ADCY10: variants seen among roughly 807,000 people sequenced by gnomAD.
The protein encoded by ADCY10 is adenylate cyclase 10.
Under a neutral mutation model 183.3 loss-of-function variants are expected in ADCY10, and 156 were observed. That is an observed-to-expected ratio of 0.85 (90% CI 0.75 to 0.97). The LOEUF (loss-of-function observed/expected upper bound fraction) is 0.97. ADCY10 is among the 50% of genes least tolerant of loss of function. The pLI, the probability that ADCY10 is intolerant of heterozygous loss-of-function variation, is 0.00. For synonymous variants in ADCY10, 645 were observed against 670.0 expected (o/e 0.96, Z 0.58); for missense variants, 1,745 against 1,934.3 (o/e 0.90, Z 1.84).
At chr1:167,825,671 G>A (rs1022908504) in intron 26 of ADCY10, among the ~76,000 whole-genome samples, 1 of 152,146 alleles carries the variant, frequency 6.6e-6, no homozygotes, top group East Asian at 1.9e-4. Flanking sequence ...TGTAATCCTA[G>A]CTACTCAGGA....
chr1:167,851,174 C>G (rs1665451307), intron 18 of ADCY10, among the ~76,000 whole-genome samples: 1 of 151,954 alleles, frequency 6.6e-6, no homozygotes, highest in Non-Finnish European at 1.5e-5. Context: ...TATTGACACT[C>G]TTTTGTTTGT....
At position 167,870,383 on chromosome 1, in the gene ADCY10, A is replaced by G. The variant is rs551472032; in HGVS notation, c.1490T>C (p.Met497Thr). Residue 497 changes from methionine (M) to threonine (T), a missense_variant, in exon 14 of 33, where the codon ATG becomes ACG. Physicochemically the swap from Met to Thr is moderately conservative, Grantham distance 81. Transcript: ENST00000367851. ...LGRNKEINYFMYTMKKFLISN... is the reference protein window; with the variant it reads ...LGRNKEINYFTYTMKKFLISN... ...TATCAAAAATTTCTTCATAGTATAC[A>G]TGAAGTAGTTGATCTCTTTATTACG... 4 of 1,611,846 alleles carry G rather than the reference A, an allele frequency of 2.5e-6. No individual in the cohort carries two copies. The South Asian group carries it at 4.4e-5, about 18-fold the overall frequency.
chr1:167,817,439 C>G (rs1662600321), intron 31 of ADCY10, among the ~76,000 whole-genome samples: 2 of 152,172 alleles, frequency 1.3e-5, no homozygotes, highest in African/African-American at 4.8e-5. Context: ...TACACCTGTG[C>G]TCAGTGTTTA....
chr1:167,815,822 C>T (rs12021710), intron 31 of ADCY10, among the ~76,000 whole-genome samples: 15,762 of 151,760 alleles, frequency 0.1, 1,145 homozygotes, highest in East Asian at 0.35. Context: ...GATGGAAATC[C>T]TAAGAACAAA....
At chr1:167,874,772 T>C (rs1311866195) in intron 13 of ADCY10, among the ~76,000 whole-genome samples, 1 of 152,202 alleles carries the variant, frequency 6.6e-6, no homozygotes, top group Admixed American at 6.5e-5. Context: ...AATGGAATAC[T>C]ACATAGTAAT....
At chr1:167,910,521 G>C (rs555514699) in intron 1 of ADCY10, among the ~76,000 whole-genome samples, 19 of 152,204 alleles carry the variant, frequency 1.2e-4, no homozygotes, top group Non-Finnish European at 2.2e-4. Flanking sequence ...TGTAATGTGG[G>C]ACCCTGCAAT....
intron 23 of ADCY10, 128 bp from the exon 24 acceptor site, chr1:167,834,205 T>A (rs1664017241): frequency 1.1e-5 from 8 of 728,620 alleles, no homozygotes; most frequent in Non-Finnish European, 1.5e-5. Flanking sequence ...TCCACTTCCA[T>A]CCCCAGCTCC....
Position 167,809,631 on chromosome 1 carries a change from T to C in ADCY10, c.*47A>G. On this transcript the variant is annotated 3_prime_UTR_variant, in exon 33 of 33. Transcript: ENST00000367851. The stretch of plus-strand genomic sequence containing the variant: ...GCCACGGAGAAAGGTCAATAATAGA[T>C]AATCACAAGGACATAGTGCTTATTA... 1 of 1,603,562 alleles carries C rather than the reference T, an allele frequency of 6.2e-7. No individual in the cohort carries two copies. Among genetic ancestry groups the C allele is most frequent in the African/African-American group, 1.3e-5 (1 of 74,820 alleles).
chr1:167,821,605 G>C (rs1293544715), intron 30 of ADCY10, among the ~76,000 whole-genome samples: 2 of 152,172 alleles, frequency 1.3e-5, no homozygotes, highest in African/African-American at 2.4e-5. Flanking sequence ...ATATTACGAA[G>C]CCCGCTTTCG....
chr1:167,818,055 T>A lies in ADCY10; in HGVS notation c.4482+17A>T, dbSNP rs756999255. The A allele has an allele frequency of 5.0e-6, 8 of 1,612,448 alleles. No homozygotes were observed. Among genetic ancestry groups the A allele is most frequent in the Non-Finnish European group, 5.9e-6 (7 of 1,178,524 alleles). Reference sequence around the variant, plus strand: ...TTAAGGCATATTTTATACTGGAAACTGGAGAATAGGCCTCACCTTGAGTAG... The same window carrying A: ...TTAAGGCATATTTTATACTGGAAACAGGAGAATAGGCCTCACCTTGAGTAG... On this transcript the variant is annotated intron_variant, in intron 31 of 32. Coordinates refer to ENST00000367851, the MANE Select transcript of ADCY10 (RefSeq NM_018417.6).
intron 5 of ADCY10, 46 bp downstream of exon 5, chr1:167,901,616 A>C (rs1571454193): frequency 6.3e-7 from 1 of 1,591,300 alleles, no homozygotes; most frequent in Non-Finnish European, 8.6e-7. Flanking sequence ...AGGAGTCAAG[A>C]CCCTATCCCA....
At chr1:167,898,588 G>A (rs905148207) in intron 6 of ADCY10, among the ~76,000 whole-genome samples, 27 of 95,692 alleles carry the variant, frequency 2.8e-4, no homozygotes, top group African/African-American at 9.1e-4. Flanking sequence ...AACAGAGCGA[G>A]ACTCCGTTTT....
At chr1:167,843,024 G>A (rs903783479) in intron 21 of ADCY10, among the ~76,000 whole-genome samples, 20 of 152,246 alleles carry the variant, frequency 1.3e-4, no homozygotes, top group Non-Finnish European at 2.6e-4. Context: ...TTGTCGAGTC[G>A]ATAGCCTTCT....
intron 14 of ADCY10, among the ~76,000 whole-genome samples, chr1:167,864,897 A>AAAG (rs2102085699): frequency 7.1e-6 from 1 of 139,976 alleles, no homozygotes; most frequent in Admixed American, 7.0e-5. Context: ...GCTAACAGGA[A>AAAG]AAAAAAAAAA....
chr1:167,870,332 T>C lies in ADCY10; in HGVS notation c.1541A>G (p.Tyr514Cys). The part of the protein sequence containing the change: ...LISNSSQVLM[Y>C]EGLPGYGKSQ... ...TTTTCCATATCCTGGTAATCCCTCA[T>C]ACATTAAGACTTGGCTGCTGTTAGA... is the stretch of plus-strand genomic sequence containing the variant. The change falls in exon 14 of 33, where the codon TAT becomes TGT. Residue 514 changes from tyrosine to cysteine, a missense_variant. Coordinates refer to ENST00000367851, the MANE Select transcript of ADCY10 (RefSeq NM_018417.6). The C allele has an allele frequency of 6.2e-7, 1 of 1,614,030 alleles. No homozygotes were observed. The highest frequency in any genetic ancestry group is 8.5e-7 in the Non-Finnish European group (1 of 1,179,950).
intron 24 of ADCY10, among the ~76,000 whole-genome samples, chr1:167,833,561 C>G (rs1237517077): frequency 1.3e-5 from 2 of 152,116 alleles, no homozygotes; most frequent in Non-Finnish European, 2.9e-5. Context: ...GCCTGGCCAA[C>G]ATGGTGAAAC....
At chr1:167,881,774 A>G (rs926955904) in intron 9 of ADCY10, among the ~76,000 whole-genome samples, 3 of 152,254 alleles carry the variant, frequency 2.0e-5, no homozygotes, top group Non-Finnish European at 4.4e-5. Flanking sequence ...TAAGTCTCAC[A>G]GCTGGGAATC....
At chr1:167,810,479 T>C (rs938175741) in intron 32 of ADCY10, among the ~76,000 whole-genome samples, 2 of 152,204 alleles carry the variant, frequency 1.3e-5, no homozygotes, top group Non-Finnish European at 2.9e-5. Context: ...CCTTTTGACA[T>C]GTGAGGACAC....
Position 167,870,319 on chromosome 1 carries a change from T to C in ADCY10, c.1554A>G (p.Pro518=). 1 of 1,614,102 alleles carries C rather than the reference T, an allele frequency of 6.2e-7. No individual in the cohort carries two copies. The highest frequency in any genetic ancestry group is 8.5e-7 in the Non-Finnish European group (1 of 1,179,992). Reference sequence around the variant, plus strand: ...TAAGTATCTGGCTTTTTCCATATCCTGGTAATCCCTCATACATTAAGACTT... The same window carrying C: ...TAAGTATCTGGCTTTTTCCATATCCCGGTAATCCCTCATACATTAAGACTT... ...SSQVLMYEGL[P]GYGKSQILMK... is the part of the protein sequence containing the mutation. The change falls in exon 14 of 33, where the codon CCA becomes CCG. Residue 518 remains proline, a synonymous_variant. Coordinates refer to ENST00000367851, the MANE Select transcript of ADCY10 (RefSeq NM_018417.6).
Sources: gnomAD v4.1 joint callset for allele counts (sites outside exome capture counted in the v4.1 genomes callset) on GRCh38, gnomAD v4.1.1 for gene constraint, MANE v1.5 for transcripts, NCBI Gene and HGNC (gene_info 2026-07-23, HGNC 2026-07-21) for gene names.